TNNI1: variants seen among roughly 807,000 people sequenced by gnomAD.
The protein encoded by TNNI1 is troponin I1, slow skeletal type, also known as troponin I, slow skeletal muscle.
TNNI1 carries 14 observed loss-of-function variants against 26.7 expected under a neutral mutation model. The observed-to-expected ratio is 0.52, with a 90% confidence interval of 0.35 to 0.82. The LOEUF is 0.82. Ranked by LOEUF, TNNI1 falls within the 40% of genes least tolerant of loss-of-function variation. The pLI, the probability that TNNI1 is intolerant of heterozygous loss-of-function variation, is 0.01. For missense variants in TNNI1, 164 were observed against 257.0 expected (o/e 0.64, Z 2.47); for synonymous variants, 79 against 98.2 (o/e 0.80, Z 1.16).
rs577457126 is a variant in TNNI1, at chr1:201,410,075, G to A, written c.*2+251C>T. 3.1e-5 allele frequency: 13 copies of A among 423,320 alleles called. No homozygotes were observed. The East Asian group carries it at 3.8e-4, about 12-fold the overall frequency. The allele number at this position is 423,320 out of a possible 1,614,324, so 26.2% of individuals were successfully genotyped here. ...CCAGGACCACACTTGGAGAACCACT[G>A]ATTTGATACAGCCCCCAATTTCATA... On this transcript the variant is annotated intron_variant, in intron 8 of 8. Coordinates refer to ENST00000361379, the MANE Select transcript of TNNI1 (RefSeq NM_003281.4).
At chr1:201,418,030 T>C (rs1286086130) in intron 1 of TNNI1, among the ~76,000 whole-genome samples, 1 of 149,766 alleles carries the variant, frequency 6.7e-6, no homozygotes, top group Non-Finnish European at 1.5e-5. Context: ...TGTTTTTGCT[T>C]AAAGAATTGT....
rs1662609975 is a variant in TNNI1, at chr1:201,410,321, G to A, written c.*2+5C>T. The A allele has an allele frequency of 6.2e-7, 1 of 1,612,448 alleles. No homozygotes were observed. Among genetic ancestry groups the A allele is most frequent in the South Asian group, 1.1e-5 (1 of 91,044 alleles). On this transcript the variant is annotated splice_donor_5th_base_variant and intron_variant, in intron 8 of 8. Coordinates refer to ENST00000361379, the MANE Select transcript of TNNI1 (RefSeq NM_003281.4). ...CCCCAGAGAAGGGAGCTGGTCTCTA[G>A]GTACCTCTATTGTGAGGTCGGAGAC...
At chr1:201,420,558 TGTAA>T (rs1297104883) in intron 1 of TNNI1, among the ~76,000 whole-genome samples, 15 of 152,092 alleles carry the variant, frequency 9.9e-5, no homozygotes, top group Non-Finnish European at 2.9e-5. Flanking sequence ...TGTAAGTGTG[TGTAA>T]GTGACTGTGT....
intron 1 of TNNI1, among the ~76,000 whole-genome samples, 164 bp from the exon 2 acceptor site, chr1:201,417,976 G>A (rs1445498201): frequency 6.6e-6 from 1 of 152,082 alleles, no homozygotes; most frequent in South Asian, 2.1e-4. Context: ...TGCAGGGCAG[G>A]GGTCAGCTAA....
At chr1:201,416,405 G>T (rs978108830) in intron 3 of TNNI1, among the ~76,000 whole-genome samples, 1 of 152,176 alleles carries the variant, frequency 6.6e-6, no homozygotes, top group African/African-American at 2.4e-5. Context: ...TTTAATACGA[G>T]CCTCAGCAAA....
In TNNI1 at chr1:201,408,064, A is replaced by T. The variant is rs185387780; in HGVS notation, c.*1189T>A. ...TCTCAAAAAAAAAAAAAAAAGGAAA[A>T]AGAAAAGTCAGAACTTTGGTCTCTG... On this transcript the variant is annotated 3_prime_UTR_variant, in exon 9 of 9. Coordinates refer to ENST00000361379, the MANE Select transcript of TNNI1 (RefSeq NM_003281.4). 1 of 151,804 alleles carries T rather than the reference A, an allele frequency of 6.6e-6. No homozygotes were observed. Among genetic ancestry groups the T allele is most frequent in the African/African-American group, 2.4e-5 (1 of 41,376 alleles). 9.4% of individuals were successfully genotyped at this position (151,804 alleles called of 1,614,324 possible). A position where few individuals can be genotyped will look rare whatever the true frequency, so the allele number is the denominator to read the frequency against.
chr1:201,421,308 G>A (rs1346890812), intron 1 of TNNI1, among the ~76,000 whole-genome samples: 6 of 152,040 alleles, frequency 3.9e-5, no homozygotes, highest in African/African-American at 7.2e-5. Flanking sequence ...TGATCCCAGG[G>A]CCACCCCTTC....
rs1662572691 is a variant in TNNI1, at chr1:201,408,656, T to C, written c.*597A>G. On this transcript the variant is annotated 3_prime_UTR_variant, in exon 9 of 9. Coordinates refer to ENST00000361379, the MANE Select transcript of TNNI1 (RefSeq NM_003281.4). ...GCTCTGGTGAGCTGAGCATCCTGGGTGGTGAGTGTGTGCAGTGTGACGTCA... is the reference window on the plus strand; with the variant it reads ...GCTCTGGTGAGCTGAGCATCCTGGGCGGTGAGTGTGTGCAGTGTGACGTCA... 1 of 151,820 alleles carries C rather than the reference T, an allele frequency of 6.6e-6. No homozygotes were observed. Among genetic ancestry groups the C allele is most frequent in the Non-Finnish European group, 1.5e-5 (1 of 68,114 alleles). The allele number at this position is 151,820 out of a possible 1,614,324, so 9.4% of individuals were successfully genotyped here.
intron 5 of TNNI1, 51 bp from the exon 6 acceptor site, chr1:201,413,172 C>T: frequency 6.3e-7 from 1 of 1,599,358 alleles, no homozygotes; most frequent in Non-Finnish European, 8.6e-7. Context: ...GGAACAGAGA[C>T]ATCAGTTTCC....
rs947520149 is a variant in TNNI1, at chr1:201,407,068, C to T, written c.*2185G>A. On this transcript the variant is annotated 3_prime_UTR_variant, in exon 9 of 9. Coordinates refer to ENST00000361379, the MANE Select transcript of TNNI1 (RefSeq NM_003281.4). The stretch of plus-strand genomic sequence containing the variant: ...TGGATACCCCAATCTGCCAGGGCCC[C>T]AGGTTAATAGTTGACTGCAAAACTG... The T allele has an allele frequency of 6.6e-6, 1 of 152,266 alleles. No homozygotes were observed. Among genetic ancestry groups the T allele is most frequent in the Non-Finnish European group, 1.5e-5 (1 of 68,072 alleles). 9.4% of individuals were successfully genotyped at this position (152,266 alleles called of 1,614,324 possible).
In TNNI1 at chr1:201,405,252, T is replaced by C. The variant is rs1662493227; in HGVS notation, c.*4001A>G. The C allele has an allele frequency of 1.3e-5, 2 of 152,774 alleles. No homozygotes were observed. Among genetic ancestry groups the C allele is most frequent in the African/African-American group, 4.8e-5 (2 of 41,456 alleles). The allele number at this position is 152,774 out of a possible 1,614,324, so 9.5% of individuals were successfully genotyped here. On this transcript the variant is annotated 3_prime_UTR_variant, in exon 9 of 9. Transcript: ENST00000361379. ...GTCCTTCGGACATTGACCGCAGTGC[T>C]CTGGGCCAGTGCTATGGGGTTTTCG...
intron 3 of TNNI1, 137 bp from the exon 4 acceptor site, chr1:201,415,391 A>C: frequency 1.2e-6 from 1 of 864,284 alleles, no homozygotes; most frequent in Admixed American, 2.3e-5. Context: ...GGTGCCTTAA[A>C]AGCTCATCTT....
chr1:201,420,824 G>T (rs1451596985), intron 1 of TNNI1, among the ~76,000 whole-genome samples: 5 of 152,146 alleles, frequency 3.3e-5, no homozygotes, highest in Non-Finnish European at 7.4e-5. Context: ...TCTCAGAGCT[G>T]CTGTGGGACT....
At position 201,411,552 on chromosome 1, in the gene TNNI1, C is replaced by G; in HGVS notation, c.280-19G>C. 1 of 1,543,408 alleles carries G rather than the reference C, an allele frequency of 6.5e-7. No individual in the cohort carries two copies. The highest frequency in any genetic ancestry group is 1.2e-5 in the South Asian group (1 of 80,536). On this transcript the variant is annotated intron_variant, in intron 6 of 8. Coordinates refer to ENST00000361379, the MANE Select transcript of TNNI1 (RefSeq NM_003281.4). This position sits in a 1 kb window ranked among gnomAD's most constrained non-coding sequence, Gnocchi z 4.6. ...CCTTAATCTGTAGGTGAGAAGCGCCCGGGGCTCACTGGAGAGGCAGCTAGC... is the reference window on the plus strand; with the variant it reads ...CCTTAATCTGTAGGTGAGAAGCGCCGGGGGCTCACTGGAGAGGCAGCTAGC...
intron 3 of TNNI1, among the ~76,000 whole-genome samples, chr1:201,416,751 G>T (rs967728706): frequency 1.3e-5 from 2 of 152,186 alleles, no homozygotes; most frequent in African/African-American, 4.8e-5. Flanking sequence ...CTTTGCACAG[G>T]ATCAGCTCTG....
intron 2 of TNNI1, 70 bp from the exon 3 acceptor site, chr1:201,417,189 A>G (rs1571738321): frequency 6.2e-7 from 1 of 1,606,064 alleles, no homozygotes; most frequent in East Asian, 2.2e-5. Context: ...AATGAGGATT[A>G]CATGTGCAGT....
At chr1:201,421,293 C>T in intron 1 of TNNI1, among the ~76,000 whole-genome samples, 1 of 152,138 alleles carries the variant, frequency 6.6e-6, no homozygotes, top group South Asian at 2.1e-4. Context: ...CTCACCCTGG[C>T]TCTCTGATCC....
At position 201,411,323 on chromosome 1, in the gene TNNI1, A is replaced by G. The variant is rs557139649; in HGVS notation, c.456+34T>C. On this transcript the variant is annotated intron_variant, in intron 7 of 8. Transcript: ENST00000361379. This position sits in a 1 kb window ranked among gnomAD's most constrained non-coding sequence, Gnocchi z 4.6. ...TTGACAAGGGGAAAGCTGGTAGGGC[A>G]GAGGGTGGAATGTTCTGAGGAAAGG... is the stretch of plus-strand genomic sequence containing the variant. 13 of 1,608,718 alleles carry G rather than the reference A, an allele frequency of 8.1e-6. No individual in the cohort carries two copies. The East Asian group carries it at 2.5e-4, about 31-fold the overall frequency.
rs757244349 is a variant in TNNI1, at chr1:201,414,469, A to G, written c.189+49T>C. 5 of 1,476,120 alleles carry G rather than the reference A, an allele frequency of 3.4e-6. No homozygotes were observed. In the South Asian group the frequency reaches 6.7e-5, roughly 20 times the overall value. 91.4% of individuals were successfully genotyped at this position (1,476,120 alleles called of 1,614,324 possible). Reference sequence around the variant, plus strand: ...TGCCGCCTGGTCCTTGGAGCCACCCACACAGCACCTCCAGCCCCACCCTGC... The same window carrying G: ...TGCCGCCTGGTCCTTGGAGCCACCCGCACAGCACCTCCAGCCCCACCCTGC... On this transcript the variant is annotated intron_variant, in intron 5 of 8. Transcript: ENST00000361379.
Sources: allele counts gnomAD v4.1 joint callset (sites outside exome capture counted in the v4.1 genomes callset), GRCh38; gene constraint gnomAD v4.1.1; non-coding constraint Gnocchi (gnomAD v3.1); transcripts MANE v1.5; gene names NCBI Gene and HGNC (gene_info 2026-07-23, HGNC 2026-07-21).